The following RPA3 variants were observed in gnomAD, a reference collection of about 807,000 sequenced individuals.
RPA3 encodes the protein replication protein A3.
RPA3 carries 24 observed loss-of-function variants against 13.7 expected under a neutral mutation model. That is an observed-to-expected ratio of 1.75 (90% CI 1.27 to 2.46). The LOEUF is 2.46. Ranked by LOEUF, RPA3 falls within the 30% of genes most tolerant of loss-of-function variation. RPA3 has a pLI of 0.00. For synonymous variants in RPA3, 59 were observed against 51.2 expected (o/e 1.15, Z -0.65); for missense variants, 183 against 151.0 (o/e 1.21, Z -1.11).
chr7:7,717,060 CTTTTTTTT>C (rs766644906), intron 1 of RPA3, among the ~76,000 whole-genome samples: 1 of 141,604 alleles, frequency 7.1e-6, no homozygotes, highest in Non-Finnish European at 1.5e-5. Context: ...TTCTTTTTTT[CTTTTTTTT>C]TTTTTTGAGA....
chr7:7,700,897 A>G (rs529884362), intron 2 of RPA3, among the ~76,000 whole-genome samples: 1 of 151,988 alleles, frequency 6.6e-6, no homozygotes, highest in South Asian at 2.1e-4. Flanking sequence ...TTAAAAAAAA[A>G]CAAAATGCCA....
At chr7:7,695,910 G>A (rs1780303541) in intron 2 of RPA3, among the ~76,000 whole-genome samples, 1 of 151,762 alleles carries the variant, frequency 6.6e-6, no homozygotes, top group Admixed American at 6.5e-5. Flanking sequence ...TGGCAGGAGT[G>A]TGAAACAGTG....
chr7:7,692,153 A>G (rs941053114), intron 2 of RPA3, among the ~76,000 whole-genome samples: 5 of 152,098 alleles, frequency 3.3e-5, no homozygotes, highest in Non-Finnish European at 7.4e-5. Context: ...TCGCACACAT[A>G]TCACCATCTT....
At chr7:7,690,243 G>A (rs1397970708) in intron 2 of RPA3, among the ~76,000 whole-genome samples, 1 of 152,002 alleles carries the variant, frequency 6.6e-6, no homozygotes, top group Non-Finnish European at 1.5e-5. Context: ...ATTTGGAAAT[G>A]TATTTCCAAA....
intron 4 of RPA3, among the ~76,000 whole-genome samples, chr7:7,657,017 G>A (rs1474449248): frequency 6.6e-5 from 10 of 152,198 alleles, no homozygotes; most frequent in South Asian, 2.1e-4. Flanking sequence ...TCTAACTGGC[G>A]TGAGAATGTA....
At chr7:7,706,220 C>T (rs988562124) in intron 2 of RPA3, among the ~76,000 whole-genome samples, 10 of 151,924 alleles carry the variant, frequency 6.6e-5, no homozygotes, top group African/African-American at 7.3e-5. Flanking sequence ...CAGAACAAAA[C>T]GGATAATCAC....
At chr7:7,694,184 A>G (rs1019654307) in intron 2 of RPA3, among the ~76,000 whole-genome samples, 1 of 152,144 alleles carries the variant, frequency 6.6e-6, no homozygotes, top group Admixed American at 6.5e-5. Context: ...TTTTCTCCTC[A>G]TGACTAGTGA....
At chr7:7,677,549 C>T (rs1779773210) in intron 4 of RPA3, among the ~76,000 whole-genome samples, 1 of 152,052 alleles carries the variant, frequency 6.6e-6, no homozygotes, top group South Asian at 2.1e-4. Flanking sequence ...ACATGATCTC[C>T]TCTAGTACCA....
intron 4 of RPA3, among the ~76,000 whole-genome samples, chr7:7,649,957 C>T (rs1410713509): frequency 6.6e-6 from 1 of 152,216 alleles, no homozygotes; most frequent in Non-Finnish European, 1.5e-5. Flanking sequence ...ACTGAATATA[C>T]TGGAGCTTTG....
intron 2 of RPA3, among the ~76,000 whole-genome samples, chr7:7,688,575 G>A (rs972358692): frequency 5.9e-5 from 9 of 152,042 alleles, no homozygotes; most frequent in Admixed American, 1.3e-4. Flanking sequence ...AATCTGTCTC[G>A]AGGCTTCCTC....
At chr7:7,656,948 C>T (rs1384075289) in intron 4 of RPA3, among the ~76,000 whole-genome samples, 1 of 152,208 alleles carries the variant, frequency 6.6e-6, no homozygotes, top group African/African-American at 2.4e-5. Context: ...TAAAAGCCTT[C>T]CTATTTCTAC....
chr7:7,665,467 A>G (rs1779419571), intron 4 of RPA3, among the ~76,000 whole-genome samples: 1 of 152,226 alleles, frequency 6.6e-6, no homozygotes, highest in Non-Finnish European at 1.5e-5. Flanking sequence ...AATTTTCCCA[A>G]TAATTGTGAA....
intron 1 of RPA3, among the ~76,000 whole-genome samples, chr7:7,716,793 A>G (rs947367469): frequency 1.3e-5 from 2 of 152,170 alleles, no homozygotes; most frequent in Non-Finnish European, 2.9e-5. Context: ...AAAGCACAAA[A>G]AAATTAGGCG....
rs56148816 is a variant in RPA3 at position 7,639,358 on chromosome 7, A to AT, written c.100-215dup. ...ATTTCTGAATTTCAGATAAACAAGG[A>AT]TTTTTTTTGTAGTGTTAAGTAGGTT... On this transcript the variant is annotated intron_variant, in intron 5 of 7. Coordinates refer to ENST00000223129, the MANE Select transcript of RPA3 (RefSeq NM_002947.5). Among the ~76,000 whole-genome samples, 445 of 152,134 alleles carry AT rather than the reference A, an allele frequency of 2.9e-3. 6 individuals are homozygous for AT. The highest frequency in any genetic ancestry group is 9.9e-3 in the African/African-American group (412 of 41,502).
chr7:7,690,795 T>C (rs923008589), intron 2 of RPA3, among the ~76,000 whole-genome samples: 1 of 152,210 alleles, frequency 6.6e-6, no homozygotes, highest in Non-Finnish European at 1.5e-5. Flanking sequence ...CCTTCACATA[T>C]AAATGCTTTT....
chr7:7,669,105 G>A (rs1041909952), intron 4 of RPA3, among the ~76,000 whole-genome samples: 2 of 151,176 alleles, frequency 1.3e-5, no homozygotes, highest in Non-Finnish European at 2.9e-5. Context: ...TTTCTCATCA[G>A]TATTAAAATG....
At chr7:7,700,253 A>AG (rs1040694798) in intron 2 of RPA3, among the ~76,000 whole-genome samples, 2 of 152,204 alleles carry the variant, frequency 1.3e-5, no homozygotes, top group African/African-American at 4.8e-5. Flanking sequence ...TGGAAGGGTC[A>AG]GGGTGGCTTT....
At chr7:7,716,013 A>AT (rs5882134) in intron 1 of RPA3, among the ~76,000 whole-genome samples, 8,213 of 152,244 alleles carry the variant, frequency 0.054, 264 homozygotes, top group Middle Eastern at 0.12. Flanking sequence ...AAATCGAATA[A>AT]TTTTTTAAAT....
intron 2 of RPA3, among the ~76,000 whole-genome samples, chr7:7,704,669 G>C (rs1321549291): frequency 6.8e-6 from 1 of 146,468 alleles, no homozygotes; most frequent in Admixed American, 6.9e-5. Context: ...TCAGAAAGCT[G>C]AGGGTGAGAA....
Sources: gnomAD v4.1 joint callset for allele counts (sites outside exome capture counted in the v4.1 genomes callset) on GRCh38, gnomAD v4.1.1 for gene constraint, MANE v1.5 for transcripts, NCBI Gene and HGNC (gene_info 2026-07-23, HGNC 2026-07-21) for gene names.